STARD13: variants seen among roughly 807,000 people sequenced by gnomAD.
The protein encoded by STARD13 is stAR-related lipid transfer protein 13.
Under a neutral mutation model 106.4 loss-of-function variants are expected in STARD13, and 62 were observed. The observed-to-expected ratio is 0.58, with a 90% confidence interval of 0.48 to 0.72. The LOEUF is 0.72. STARD13 is among the 30% of genes least tolerant of loss of function. STARD13 has a pLI of 0.00. For synonymous variants in STARD13, 565 were observed against 553.0 expected, an observed-to-expected ratio of 1.02 and a Z score of -0.31; for missense variants, 1,387 against 1,424.0, an observed-to-expected ratio of 0.97 and a Z score of 0.42.
At chr13:33,618,202 T>C in the STARD13 span, among the ~76,000 whole-genome samples, 1 of 152,230 alleles carries the variant, frequency 6.6e-6, no homozygotes, top group African/African-American at 2.4e-5. Context: ...TGTTAGACTT[T>C]TTTCATTATC....
chr13:33,374,272 C>G, the STARD13 span, among the ~76,000 whole-genome samples: 6 of 152,104 alleles, frequency 3.9e-5, no homozygotes, highest in South Asian at 8.3e-4. Context: ...ATGGTGGTTT[C>G]CAGGGGCTGG....
At chr13:33,152,179 G>A (rs1881371385) in intron 3 of STARD13, among the ~76,000 whole-genome samples, 1 of 152,210 alleles carries the variant, frequency 6.6e-6, no homozygotes, top group African/African-American at 2.4e-5. Flanking sequence ...GAATTACAGT[G>A]GTTAAGGCAT....
At chr13:33,533,366 A>G in the STARD13 span, among the ~76,000 whole-genome samples, 1 of 152,168 alleles carries the variant, frequency 6.6e-6, no homozygotes, top group East Asian at 1.9e-4. Flanking sequence ...TAAGATTATG[A>G]AGCTATGTGA....
intron 1 of STARD13, among the ~76,000 whole-genome samples, chr13:33,294,437 G>C (rs1892412327): frequency 6.6e-6 from 1 of 152,166 alleles, no homozygotes; most frequent in African/African-American, 2.4e-5. Flanking sequence ...CCTCTGATGG[G>C]CCAGTCTTGC....
intron 1 of STARD13, chr13:33,186,114 C>T: frequency 1.3e-6 from 2 of 1,482,086 alleles, no homozygotes; most frequent in East Asian, 4.8e-5. Flanking sequence ...CACTGCTCCC[C>T]AGTGACCTGC....
the STARD13 span, among the ~76,000 whole-genome samples, chr13:33,484,309 C>T: frequency 6.6e-6 from 1 of 152,316 alleles, no homozygotes; most frequent in Non-Finnish European, 1.5e-5. Context: ...AAGATGTAGG[C>T]ATAGTTAAAT....
At chr13:33,522,267 C>G in the STARD13 span, among the ~76,000 whole-genome samples, 9 of 151,988 alleles carry the variant, frequency 5.9e-5, no homozygotes, top group African/African-American at 1.9e-4. Context: ...AAGGTACGGA[C>G]ATTTCCCATA....
intron 1 of STARD13, chr13:33,350,263 G>T (rs1398105966): frequency 1.3e-6 from 2 of 1,516,950 alleles, no homozygotes; most frequent in South Asian, 2.4e-5. Flanking sequence ...CCGCCCCCGT[G>T]GGTCGCGGCG....
At chr13:33,138,997 T>C (rs1395858640) in intron 4 of STARD13, 1 of 348,452 alleles carries the variant, frequency 2.9e-6, no homozygotes, top group Admixed American at 3.6e-5. Flanking sequence ...ATCACCATCA[T>C]CACCTATTTG....
chr13:33,236,251 G>C (rs1471061652), intron 1 of STARD13, among the ~76,000 whole-genome samples: 3 of 152,146 alleles, frequency 2.0e-5, no homozygotes, highest in Non-Finnish European at 4.4e-5. Flanking sequence ...TGGCCAGTAA[G>C]GCATGATCCA....
At chr13:33,581,443 A>G in the STARD13 span, among the ~76,000 whole-genome samples, 63 of 152,332 alleles carry the variant, frequency 4.1e-4, no homozygotes, top group Middle Eastern at 3.4e-3. Flanking sequence ...GACTAACTAT[A>G]TTACATTCTA....
the STARD13 span, among the ~76,000 whole-genome samples, chr13:33,641,086 A>G: frequency 1.3e-5 from 2 of 152,162 alleles, no homozygotes; most frequent in African/African-American, 4.8e-5. Flanking sequence ...ATGCTGATAG[A>G]CTGAGTGGGG....
At chr13:33,456,126 A>T in the STARD13 span, among the ~76,000 whole-genome samples, 3 of 152,162 alleles carry the variant, frequency 2.0e-5, no homozygotes, top group African/African-American at 7.2e-5. Flanking sequence ...TATATGTATC[A>T]GTGTGCTAGG....
chr13:33,116,129 A>G (rs1566535613), intron 8 of STARD13, among the ~76,000 whole-genome samples: 2 of 152,108 alleles, frequency 1.3e-5, no homozygotes. Flanking sequence ...TCCTTCCTTT[A>G]TGGCCCCAGC....
Position 33,242,459 on chromosome 13 carries a change from C to T in STARD13, c.169+43011G>A, listed in dbSNP as rs191313752. 1.3e-4 allele frequency among the ~76,000 whole-genome samples: 20 copies of T among 152,286 alleles called. No individual in the cohort carries two copies. The East Asian group carries it at 3.5e-3, about 26-fold the overall frequency. On this transcript the variant is annotated intron_variant, in intron 1 of 13. Coordinates refer to ENST00000336934, the MANE Select transcript of STARD13 (RefSeq NM_178006.4). ...TAATCTATAACCTTACCCTCAACCCCGTGCTCTCCGAAACATGTGCTGTGT... is the reference window on the plus strand; with the variant it reads ...TAATCTATAACCTTACCCTCAACCCTGTGCTCTCCGAAACATGTGCTGTGT...
intron 5 of STARD13, among the ~76,000 whole-genome samples, chr13:33,127,875 GTGTGTA>G (rs150377464): frequency 3.1e-4 from 29 of 94,070 alleles, no homozygotes; most frequent in Middle Eastern, 0.01. Flanking sequence ...GTGTGTGTGT[GTGTGTA>G]TGTGAGAGAG....
chr13:33,386,520 C>T, the STARD13 span, among the ~76,000 whole-genome samples: 2 of 152,086 alleles, frequency 1.3e-5, no homozygotes, highest in Admixed American at 6.5e-5. Flanking sequence ...GTGGCCTCCC[C>T]CATCCAGGTC....
chr13:33,571,870 G>C, the STARD13 span, among the ~76,000 whole-genome samples: 1 of 152,134 alleles, frequency 6.6e-6, no homozygotes, highest in South Asian at 2.1e-4. Flanking sequence ...TTAAGAGTGT[G>C]TGGGCTTCTG....
At chr13:33,375,694 A>G in the STARD13 span, among the ~76,000 whole-genome samples, 1 of 152,138 alleles carries the variant, frequency 6.6e-6, no homozygotes, top group African/African-American at 2.4e-5. Context: ...TGAAAACAGC[A>G]TGGAGGTAAC....
Sources: gnomAD v4.1 joint callset for allele counts (sites outside exome capture counted in the v4.1 genomes callset) on GRCh38, gnomAD v4.1.1 for gene constraint, MANE v1.5 for transcripts, NCBI Gene and HGNC (gene_info 2026-07-23, HGNC 2026-07-21) for gene names.